The following SATB1 variants were observed in gnomAD, a reference collection of about 807,000 sequenced individuals.
SATB1 encodes the protein DNA-binding protein SATB1.
In SATB1, 11 loss-of-function variants were observed where a neutral mutation model predicts 86.9. That is an observed-to-expected ratio of 0.13 (90% CI 0.08 to 0.21). SATB1 has a LOEUF of 0.21. Among genes scored for constraint, SATB1 ranks in the 10% least tolerant of loss-of-function variants. The pLI, the probability that SATB1 is intolerant of heterozygous loss-of-function variation, is 1.00. For synonymous variants in SATB1, 357 were observed against 357.2 expected (o/e 1.00, Z 0.01); for missense variants, 551 against 937.6 (o/e 0.59, Z 5.39).
intron 8 of SATB1, among the ~76,000 whole-genome samples, chr3:18,383,123 G>C (rs544993113): frequency 1.9e-4 from 29 of 152,220 alleles, no homozygotes; most frequent in Non-Finnish European, 3.1e-4. Context: ...CTGGCCCAGA[G>C]CCTATAGCCC....
chr3:18,356,088 TA>T (rs1385429422), intron 9 of SATB1, among the ~76,000 whole-genome samples: 16 of 151,890 alleles, frequency 1.1e-4, no homozygotes. Context: ...CTCCCCCTAT[TA>T]CTTAAAAAAA....
chr3:18,388,020 A>G (rs139280137), intron 7 of SATB1, among the ~76,000 whole-genome samples: 538 of 152,300 alleles, frequency 3.5e-3, no homozygotes, highest in Middle Eastern at 0.02. Flanking sequence ...ACAGGTGCAG[A>G]GGGCTTCAGA....
intron 9 of SATB1, among the ~76,000 whole-genome samples, chr3:18,362,402 G>A (rs1694944509): frequency 6.6e-6 from 1 of 151,960 alleles, no homozygotes; most frequent in South Asian, 2.1e-4. Flanking sequence ...AAATTCAAGC[G>A]GCAGCAAATG....
chr3:18,409,184 G>T (rs1002094195), intron 5 of SATB1: 15 of 151,986 alleles, frequency 9.9e-5, no homozygotes, highest in African/African-American at 3.1e-4. Context: ...ATTGTGAAAA[G>T]ATAGTGGCTA....
intron 9 of SATB1, among the ~76,000 whole-genome samples, chr3:18,358,271 T>C (rs1361333468): frequency 6.6e-6 from 1 of 152,042 alleles, no homozygotes; most frequent in Non-Finnish European, 1.5e-5. Context: ...ACACTTGTCT[T>C]AAGATATTGT....
chr3:18,349,633 G>C lies in SATB1; in HGVS notation c.1829C>G (p.Pro610Arg). Residue 610 changes from proline to arginine, a missense_variant, in exon 11 of 11, where the codon CCG becomes CGG. Physicochemically the swap from Pro to Arg is moderately radical, Grantham distance 103 (BLOSUM62 -2). Around this residue, in one of 8 missense-constraint regions of SATB1, gnomAD observed 87 missense variants for 103.6 expected, o/e 0.84. Transcript: ENST00000338745. The surrounding 1 kb of genome is among the most constrained non-coding windows in gnomAD (Gnocchi z 5.5). ...QQQQQQQQAP[P>R]PPQPQQQPQT... ...TGGCTGCTGCTGTGGCTGTGGAGGC[G>C]GCGGTGCCTGCTGCTGCTGCTGCTG... 6.2e-7 allele frequency: 1 copy of C among 1,612,644 alleles called. No individual in the cohort carries two copies. Among genetic ancestry groups the C allele is most frequent in the Non-Finnish European group, 8.5e-7 (1 of 1,179,726 alleles).
At position 18,352,207 on chromosome 3, in the gene SATB1, G is replaced by A. The variant is rs199955780; in HGVS notation, c.1576-12C>T. On this transcript the variant is annotated splice_polypyrimidine_tract_variant and intron_variant, in intron 9 of 10. Transcript: ENST00000338745. The surrounding 1 kb of genome is among the most constrained non-coding windows in gnomAD (Gnocchi z 4.1). ...TCGCACAACCATCCCTTAGAGACAA[G>A]GGCATAATAGGTCAGTTTGTGCCTA... is the stretch of plus-strand genomic sequence containing the variant. 2 of 1,613,234 alleles carry A rather than the reference G, an allele frequency of 1.2e-6. No homozygotes were observed. The highest frequency in any genetic ancestry group is 1.7e-5 in the Admixed American group (1 of 59,994).
upstream of SATB1, among the ~76,000 whole-genome samples, chr3:18,425,657 G>A (rs1698660896): frequency 6.6e-6 from 1 of 151,692 alleles, no homozygotes; most frequent in Non-Finnish European, 1.5e-5. Flanking sequence ...ACAATACCCA[G>A]AATAACAGGG....
In SATB1 at chr3:18,424,306, C is replaced by G. The variant is rs555058747; in HGVS notation, c.-704G>C. ...GCGCATTGGGAAGGCCACCTCGCCT[C>G]CCTTCCAATCACCCCCACCCCCCTC... On this transcript the variant is annotated 5_prime_UTR_variant, in exon 1 of 11. Coordinates refer to ENST00000338745, the MANE Select transcript of SATB1 (RefSeq NM_002971.6). The G allele has an allele frequency of 2.7e-5, 4 of 148,160 alleles. No homozygotes were observed. In the East Asian group the frequency reaches 8.1e-4, roughly 30 times the overall value. The allele number at this position is 148,160 out of a possible 1,614,324, so 9.2% of individuals were successfully genotyped here.
At chr3:18,423,352 G>A (rs934324775) in intron 1 of SATB1, among the ~76,000 whole-genome samples, 4 of 152,038 alleles carry the variant, frequency 2.6e-5, no homozygotes, top group Non-Finnish European at 5.9e-5. Flanking sequence ...CCTTTAAAAG[G>A]AAAGAAAATC....
chr3:18,418,674 T>C (rs1468739962), intron 2 of SATB1, among the ~76,000 whole-genome samples: 1 of 151,196 alleles, frequency 6.6e-6, no homozygotes, highest in African/African-American at 2.5e-5. Context: ...CCTAAACAAA[T>C]AAAACCATTC....
chr3:18,407,514 G>A (rs1259061854), intron 5 of SATB1, among the ~76,000 whole-genome samples: 1 of 151,888 alleles, frequency 6.6e-6, no homozygotes, highest in Non-Finnish European at 1.5e-5. Flanking sequence ...CACACTTTAG[G>A]ACTGAAAACT....
At chr3:18,442,798 T>C (rs2125213498), upstream of SATB1, among the ~76,000 whole-genome samples, 1 of 152,354 alleles carries the variant, frequency 6.6e-6, no homozygotes, top group East Asian at 1.9e-4. Flanking sequence ...GTTGTTAATA[T>C]TTAAGATGCC....
chr3:18,356,718 T>C (rs2125136810), intron 9 of SATB1, among the ~76,000 whole-genome samples: 1 of 152,054 alleles, frequency 6.6e-6, no homozygotes. Context: ...TTTTACAACA[T>C]TTAATTCAAG....
Position 18,416,122 on chromosome 3 carries a change from C to T in SATB1, c.400G>A (p.Val134Ile), listed in dbSNP as rs1214801879. The change falls in exon 4 of 11, where the codon GTT (valine) becomes ATT (isoleucine). Residue 134 changes from valine (V) to isoleucine (I), a missense_variant. Physicochemically the swap from Val to Ile is conservative, Grantham distance 29. This residue lies in a region of SATB1 where 153 missense variants were observed against 258.1 expected (regional missense o/e 0.59). Coordinates refer to ENST00000338745, the MANE Select transcript of SATB1 (RefSeq NM_002971.6). ...SAAQAKGLIQVGKWNPVPLSY... is the reference protein window; with the variant it reads ...SAAQAKGLIQIGKWNPVPLSY... ...AGTGGAACTGGATTCCACTTTCCAA[C>T]CTGGATTAGCCCTATTTCAGATAAA... is the stretch of plus-strand genomic sequence containing the variant. The T allele has an allele frequency of 6.2e-7, 1 of 1,607,164 alleles. No homozygotes were observed. The highest frequency in any genetic ancestry group is 1.3e-5 in the African/African-American group (1 of 74,518).
chr3:18,400,290 T>C (rs560081799), intron 5 of SATB1, among the ~76,000 whole-genome samples: 10 of 152,236 alleles, frequency 6.6e-5, no homozygotes, highest in African/African-American at 2.4e-4. Flanking sequence ...TGGGGCACCA[T>C]ATTATTTTCT....
At chr3:18,351,008 A>G (rs1694329678) in intron 10 of SATB1, 6 of 367,898 alleles carry the variant, frequency 1.6e-5, no homozygotes, top group South Asian at 1.2e-4. Flanking sequence ...AAAATAAGCT[A>G]TACAACTCAA....
chr3:18,352,310 C>T lies in SATB1; in HGVS notation c.1576-115G>A. The T allele has an allele frequency of 2.5e-6, 2 of 803,184 alleles. No homozygotes were observed. The highest frequency in any genetic ancestry group is 2.7e-5 in the Admixed American group (1 of 37,394). The allele number at this position is 803,184 out of a possible 1,614,324, so 49.8% of individuals were successfully genotyped here. A position where few individuals can be genotyped will look rare whatever the true frequency, so the allele number is the denominator to read the frequency against. ...TTAACTTTTTCATAAGCTCAGAACACACCATTCTGCTTTAAAAATTGTTTT... is the reference window on the plus strand; with the variant it reads ...TTAACTTTTTCATAAGCTCAGAACATACCATTCTGCTTTAAAAATTGTTTT... On this transcript the variant is annotated intron_variant, in intron 9 of 10. Coordinates refer to ENST00000338745, the MANE Select transcript of SATB1 (RefSeq NM_002971.6). The surrounding 1 kb of genome is among the most constrained non-coding windows in gnomAD (Gnocchi z 4.1).
intron 7 of SATB1, among the ~76,000 whole-genome samples, chr3:18,392,566 CACACACAT>C (rs1696734705): frequency 2.0e-5 from 2 of 101,816 alleles, no homozygotes; most frequent in East Asian, 1.1e-3. Flanking sequence ...CATATATATA[CACACACAT>C]ACACACACAC....
Sources: gnomAD v4.1 joint callset for allele counts (sites outside exome capture counted in the v4.1 genomes callset) on GRCh38, gnomAD v4.1.1 for gene constraint, gnomAD v4.1.1 regional missense constraint, Gnocchi (gnomAD v3.1) non-coding constraint, MANE v1.5 for transcripts, NCBI Gene and HGNC (gene_info 2026-07-23, HGNC 2026-07-21) for gene names.